The following ADAM10 variants were observed in gnomAD, a reference collection of about 807,000 sequenced individuals.
The protein encoded by ADAM10 is ADAM metallopeptidase domain 10.
Under a neutral mutation model 90.1 loss-of-function variants are expected in ADAM10, and 17 were observed. The ratio of observed to expected loss-of-function variants is 0.19; its 90% confidence interval spans 0.13 to 0.28. ADAM10 has a LOEUF of 0.28. Ranked by LOEUF, ADAM10 falls within the 10% of genes least tolerant of loss-of-function variation. The pLI, the probability that ADAM10 is intolerant of heterozygous loss-of-function variation, is 1.00. For synonymous variants in ADAM10, 310 were observed against 298.6 expected (o/e 1.04, Z -0.40); for missense variants, 610 against 914.3 (o/e 0.67, Z 4.29).
At chr15:58,676,212 G>A (rs1443705586) in intron 4 of ADAM10, 13 of 437,258 alleles carry the variant, frequency 3.0e-5, no homozygotes, top group Non-Finnish European at 5.0e-5. Context: ...TTCCATGAGT[G>A]AAGCAGAAGA....
At chr15:58,724,407 T>C (rs1898961932) in intron 1 of ADAM10, among the ~76,000 whole-genome samples, 1 of 152,146 alleles carries the variant, frequency 6.6e-6, no homozygotes, top group Non-Finnish European at 1.5e-5. Context: ...AGAGACTGAA[T>C]TTAGCCTACC....
intron 5 of ADAM10, among the ~76,000 whole-genome samples, chr15:58,657,161 G>A (rs577821516): frequency 3.3e-5 from 5 of 152,128 alleles, no homozygotes; most frequent in South Asian, 2.1e-4. Flanking sequence ...TAAATGCCTT[G>A]AGTTAGTCTT....
intron 2 of ADAM10, among the ~76,000 whole-genome samples, chr15:58,703,291 C>CAAAAA (rs542156053): frequency 3.9e-5 from 3 of 76,358 alleles, no homozygotes; most frequent in East Asian, 3.1e-4. Flanking sequence ...GGTATTCCCT[C>CAAAAA]AAAAAAAAAA....
intron 5 of ADAM10, among the ~76,000 whole-genome samples, chr15:58,651,785 T>C (rs1896695293): frequency 2.0e-5 from 3 of 152,154 alleles, no homozygotes; most frequent in Admixed American, 2.0e-4. Flanking sequence ...ACTGCTGGAT[T>C]ATGGTAGTTC....
Position 58,589,139 on chromosome 15 carries a change from CAACAA to C in ADAM10, c.*8403_*8407del, listed in dbSNP as rs1361639637. 3 of 152,152 alleles carry C rather than the reference CAACAA, an allele frequency of 2.0e-5. No individual in the cohort carries two copies. In the South Asian group the frequency reaches 6.2e-4, roughly 32 times the overall value. 9.4% of individuals were successfully genotyped at this position (152,152 alleles called of 1,614,324 possible). On this transcript the variant is annotated 3_prime_UTR_variant, in exon 16 of 16. Transcript: ENST00000260408. The stretch of plus-strand genomic sequence containing the variant: ...CTTCATTGCCTATTTACAAAGCACA[CAACAA>C]AACAAATGTTTATTGAACACCTACT...
intron 6 of ADAM10, among the ~76,000 whole-genome samples, chr15:58,644,640 T>A (rs939901102): frequency 6.6e-6 from 1 of 152,216 alleles, no homozygotes; most frequent in Non-Finnish European, 1.5e-5. Context: ...AGTATCCTTC[T>A]CTATTTATCC....
At chr15:58,636,276 CAAAAAAA>C (rs1188741361) in intron 8 of ADAM10, among the ~76,000 whole-genome samples, 31 of 83,598 alleles carry the variant, frequency 3.7e-4, no homozygotes, top group African/African-American at 1.1e-3. Context: ...GACTTCGTTT[CAAAAAAA>C]AAAAAAAAGG....
intron 1 of ADAM10, among the ~76,000 whole-genome samples, chr15:58,741,340 G>T (rs527765260): frequency 6.6e-6 from 1 of 152,112 alleles, no homozygotes; most frequent in African/African-American, 2.4e-5. Flanking sequence ...AAAAAAAAGT[G>T]TTAGTATATC....
At chr15:58,641,499 G>A (rs2140687761) in intron 7 of ADAM10, among the ~76,000 whole-genome samples, 1 of 152,176 alleles carries the variant, frequency 6.6e-6, no homozygotes, top group Non-Finnish European at 1.5e-5. Flanking sequence ...CAAACTAACT[G>A]CAAATTTATT....
intron 8 of ADAM10, among the ~76,000 whole-genome samples, chr15:58,637,882 T>C (rs1193143704): frequency 1.3e-5 from 2 of 152,072 alleles, no homozygotes; most frequent in Non-Finnish European, 1.5e-5. Flanking sequence ...CAATAATACC[T>C]ACACCTCATA....
intron 14 of ADAM10, among the ~76,000 whole-genome samples, chr15:58,602,458 A>C (rs2140989850): frequency 6.6e-6 from 1 of 152,110 alleles, no homozygotes; most frequent in South Asian, 2.1e-4. Context: ...ACACCTTCTG[A>C]ACCTGGTCAG....
intron 2 of ADAM10, among the ~76,000 whole-genome samples, chr15:58,690,606 G>C (rs1005608583): frequency 6.6e-6 from 1 of 152,132 alleles, no homozygotes; most frequent in African/African-American, 2.4e-5. Flanking sequence ...TCCTGCCTTA[G>C]ACACAAGGAC....
chr15:58,693,960 C>T lies in ADAM10; in HGVS notation c.207-11646G>A, dbSNP rs543938784. On this transcript the variant is annotated intron_variant, in intron 2 of 15. Transcript: ENST00000260408. ...CAGGTGGCAAACAAGCATATGGAAA[C>T]CTACATAACATCATTAGTCAACAAA... is the stretch of plus-strand genomic sequence containing the variant. Among the ~76,000 whole-genome samples, 251 of 152,180 alleles carry T rather than the reference C, an allele frequency of 1.6e-3. 1 individual carries two copies. Among genetic ancestry groups the T allele is most frequent in the Admixed American group, 2.0e-3 (30 of 15,286 alleles).
At chr15:58,687,832 C>T (rs979298711) in intron 2 of ADAM10, among the ~76,000 whole-genome samples, 23 of 151,994 alleles carry the variant, frequency 1.5e-4, no homozygotes, top group African/African-American at 4.6e-4. Flanking sequence ...ACGATTCATG[C>T]GACAATCATG....
intron 2 of ADAM10, among the ~76,000 whole-genome samples, chr15:58,687,660 TA>T (rs34341594): frequency 0.28 from 42,643 of 149,832 alleles, 8,628 homozygotes; most frequent in African/African-American, 0.57. Context: ...CCATACTTTT[TA>T]AAAAAAAAAT....
At chr15:58,706,115 G>C (rs1225513217) in intron 2 of ADAM10, among the ~76,000 whole-genome samples, 1 of 152,194 alleles carries the variant, frequency 6.6e-6, no homozygotes, top group Non-Finnish European at 1.5e-5. Flanking sequence ...GCTAAAGACA[G>C]TATGGTTCTA....
intron 2 of ADAM10, chr15:58,686,400 G>A (rs1897603285): frequency 1.8e-6 from 2 of 1,133,662 alleles, no homozygotes; most frequent in African/African-American, 3.1e-5. Flanking sequence ...TCGGAGCCCA[G>A]CGCCGCCACC....
At chr15:58,717,532 G>A in intron 2 of ADAM10, 45 bp downstream of exon 2, 2 of 1,608,196 alleles carry the variant, frequency 1.2e-6, no homozygotes, top group Non-Finnish European at 1.7e-6. Flanking sequence ...AACTTAGATT[G>A]AATATAGAGG....
chr15:58,711,870 T>A (rs1225973049), intron 2 of ADAM10, among the ~76,000 whole-genome samples: 4 of 152,218 alleles, frequency 2.6e-5, no homozygotes, highest in African/African-American at 9.6e-5. Flanking sequence ...CTTATTTTTT[T>A]AATTATCACT....
Sources: gnomAD v4.1 joint callset for allele counts (sites outside exome capture counted in the v4.1 genomes callset) on GRCh38, gnomAD v4.1.1 for gene constraint, MANE v1.5 for transcripts, NCBI Gene and HGNC (gene_info 2026-07-23, HGNC 2026-07-21) for gene names.